SNX9: variants seen among roughly 807,000 people sequenced by gnomAD.
SNX9 encodes sorting nexin-9.
In SNX9, 44 loss-of-function variants were observed where a neutral mutation model predicts 89.4. That is an observed-to-expected ratio of 0.49 (90% CI 0.39 to 0.63). The LOEUF is 0.63. SNX9 is among the 30% of genes least tolerant of loss of function. The pLI, the probability that SNX9 is intolerant of heterozygous loss-of-function variation, is 0.00. For synonymous variants in SNX9, 236 were observed against 247.8 expected (o/e 0.95, Z 0.45); for missense variants, 578 against 736.1 (o/e 0.79, Z 2.49).
intron 11 of SNX9, among the ~76,000 whole-genome samples, chr6:157,927,992 A>T (rs1468758709): frequency 2.0e-5 from 3 of 152,136 alleles, no homozygotes; most frequent in African/African-American, 4.8e-5. Flanking sequence ...CAGTGTTAAT[A>T]TGTTAGTGTT....
At chr6:157,872,974 T>C in intron 2 of SNX9, 128 bp from the exon 3 acceptor site, 1 of 555,606 alleles carries the variant, frequency 1.8e-6, no homozygotes, top group Non-Finnish European at 2.9e-6. Context: ...TTGAACGGTG[T>C]TCTCTAGGAA....
intron 17 of SNX9, among the ~76,000 whole-genome samples, chr6:157,942,368 T>A (rs1292100041): frequency 3.3e-5 from 5 of 152,234 alleles, no homozygotes; most frequent in Non-Finnish European, 7.3e-5. Flanking sequence ...AGGCTCGTGC[T>A]GTCTGCACAC....
At chr6:157,870,369 T>C (rs1782374278) in intron 2 of SNX9, among the ~76,000 whole-genome samples, 1 of 150,508 alleles carries the variant, frequency 6.6e-6, no homozygotes, top group Non-Finnish European at 1.5e-5. Flanking sequence ...CATGCAGCAC[T>C]CACCCGTGTG....
At chr6:157,867,739 T>C (rs1782297555) in intron 2 of SNX9, 106 bp downstream of exon 2, 2 of 897,206 alleles carry the variant, frequency 2.2e-6, no homozygotes, top group South Asian at 6.5e-5. Flanking sequence ...TGTGGACTTA[T>C]TTTTAAGATT....
rs148825841 is a variant in SNX9 at position 157,938,637 on chromosome 6, C to G, written c.1538C>G (p.Ala513Gly). 20 of 1,603,848 alleles carry G rather than the reference C, an allele frequency of 1.2e-5. No individual in the cohort carries two copies. In the African/African-American group the frequency reaches 2.4e-4, roughly 19 times the overall value. ...GTTGCATTTTATATTTCACAGGGAG[C>G]AATAGAAAAAGTGAAAGAAAGTGAC... is the stretch of plus-strand genomic sequence containing the variant. ...FPDIIGTHKG[A>G]IEKVKESDKL... Residue 513 changes from alanine (A) to glycine (G), a missense_variant, in exon 16 of 18, where the codon GCA becomes GGA. This residue lies in a region of SNX9 where 348 missense variants were observed against 491.4 expected (regional missense o/e 0.71). Coordinates refer to ENST00000392185, the MANE Select transcript of SNX9 (RefSeq NM_016224.5).
chr6:157,871,309 A>G (rs955492728), intron 2 of SNX9, among the ~76,000 whole-genome samples: 32 of 152,248 alleles, frequency 2.1e-4, no homozygotes, highest in African/African-American at 7.5e-4. Flanking sequence ...TGAGCCCAGG[A>G]GTTCCAGGCT....
chr6:157,846,349 G>GT (rs963775113), intron 1 of SNX9, among the ~76,000 whole-genome samples: 6 of 152,238 alleles, frequency 3.9e-5, no homozygotes, highest in African/African-American at 1.4e-4. Context: ...CTGTGGTGAG[G>GT]TTTATGTTAG....
At chr6:157,881,298 C>T (rs1481218602) in intron 4 of SNX9, among the ~76,000 whole-genome samples, 2 of 152,088 alleles carry the variant, frequency 1.3e-5, no homozygotes, top group Non-Finnish European at 2.9e-5. Flanking sequence ...CAATGGCGAG[C>T]TTAATTGACA....
At chr6:157,884,069 G>A (rs1454347822) in intron 4 of SNX9, among the ~76,000 whole-genome samples, 1 of 152,164 alleles carries the variant, frequency 6.6e-6, no homozygotes. Context: ...AGAAGTTTGT[G>A]TTCTTAACAC....
intron 9 of SNX9, among the ~76,000 whole-genome samples, chr6:157,910,807 G>C (rs1271429786): frequency 6.6e-6 from 1 of 152,166 alleles, no homozygotes; most frequent in Admixed American, 6.5e-5. Context: ...ACTCTATGTA[G>C]TCACTGAGGG....
chr6:157,854,745 C>T (rs1164228310), intron 1 of SNX9, among the ~76,000 whole-genome samples: 1 of 152,138 alleles, frequency 6.6e-6, no homozygotes, highest in Non-Finnish European at 1.5e-5. Context: ...GGTTTACCCC[C>T]TTTTATGTGG....
intron 1 of SNX9, among the ~76,000 whole-genome samples, chr6:157,857,741 G>GA (rs200413491): frequency 0.021 from 3,081 of 145,856 alleles, 98 homozygotes; most frequent in African/African-American, 0.073. Flanking sequence ...TCCTGTTTCA[G>GA]AAAAAAAAAA....
intron 1 of SNX9, among the ~76,000 whole-genome samples, chr6:157,840,404 ATACT>A (rs754736673): frequency 2.7e-4 from 34 of 126,264 alleles, no homozygotes; most frequent in African/African-American, 3.9e-4. Context: ...TTTACAAAAA[ATACT>A]TTCTTTCTTT....
intron 4 of SNX9, among the ~76,000 whole-genome samples, 166 bp from the exon 5 acceptor site, chr6:157,896,661 A>G (rs1395793438): frequency 6.6e-6 from 1 of 152,228 alleles, no homozygotes; most frequent in Non-Finnish European, 1.5e-5. Flanking sequence ...GTGCTTTCCT[A>G]CATGTTTGGA....
chr6:157,916,211 T>A (rs1783468065), intron 9 of SNX9, among the ~76,000 whole-genome samples: 1 of 152,060 alleles, frequency 6.6e-6, no homozygotes, highest in Non-Finnish European at 1.5e-5. Context: ...ATTTTTTATA[T>A]TTTTAGTAGA....
chr6:157,908,999 C>T (rs554485766), intron 7 of SNX9, among the ~76,000 whole-genome samples: 10 of 152,264 alleles, frequency 6.6e-5, no homozygotes, highest in African/African-American at 2.4e-4. Flanking sequence ...CATAGCAGTC[C>T]ACGGAAGAAA....
At chr6:157,855,604 C>G (rs1781994468) in intron 1 of SNX9, among the ~76,000 whole-genome samples, 1 of 152,164 alleles carries the variant, frequency 6.6e-6, no homozygotes, top group Non-Finnish European at 1.5e-5. Context: ...ATATTCTTTT[C>G]TGAGTACAGT....
At chr6:157,846,730 A>G (rs757616792) in intron 1 of SNX9, among the ~76,000 whole-genome samples, 1 of 152,212 alleles carries the variant, frequency 6.6e-6, no homozygotes, top group African/African-American at 2.4e-5. Flanking sequence ...CATGGTTATG[A>G]TGGTGACCTT....
At chr6:157,876,946 C>T (rs1326676626) in intron 4 of SNX9, among the ~76,000 whole-genome samples, 1 of 152,212 alleles carries the variant, frequency 6.6e-6, no homozygotes, top group Non-Finnish European at 1.5e-5. Flanking sequence ...TTGAGATTCA[C>T]TGAGTTATAC....
Sources: allele counts gnomAD v4.1 joint callset (sites outside exome capture counted in the v4.1 genomes callset), GRCh38; gene constraint gnomAD v4.1.1; regional missense constraint gnomAD v4.1.1; transcripts MANE v1.5; gene names NCBI Gene and HGNC (gene_info 2026-07-23, HGNC 2026-07-21).